The following CNTNAP4 variants were observed in gnomAD, a reference collection of about 807,000 sequenced individuals.
CNTNAP4 encodes the protein contactin-associated protein-like 4.
A neutral mutation model predicts 148.4 loss-of-function variants in CNTNAP4; 98 were observed. That is an observed-to-expected ratio of 0.66 (90% CI 0.56 to 0.78). The LOEUF (loss-of-function observed/expected upper bound fraction) is 0.78, where lower values mean the gene tolerates loss of function less well. Ranked by LOEUF, CNTNAP4 falls within the 30% of genes least tolerant of loss-of-function variation. The pLI, the probability that CNTNAP4 is intolerant of heterozygous loss-of-function variation, is 0.00. For synonymous variants in CNTNAP4, 730 were observed against 565.1 expected (o/e 1.29, Z -4.14); for missense variants, 1,935 against 1,565.6 (o/e 1.24, Z -3.98).
intron 17 of CNTNAP4, among the ~76,000 whole-genome samples, chr16:76,525,338 G>C (rs2083671547): frequency 6.6e-6 from 1 of 150,838 alleles, no homozygotes; most frequent in South Asian, 2.1e-4. Flanking sequence ...CACCTACTAG[G>C]ACCAAAGAGT....
chr16:76,434,173 A>G (rs1048850199), intron 4 of CNTNAP4, among the ~76,000 whole-genome samples: 1 of 150,482 alleles, frequency 6.6e-6, no homozygotes, highest in Non-Finnish European at 1.5e-5. Context: ...GAATATATAT[A>G]AAGGGGAGTT....
At chr16:76,442,002 C>T (rs992925803) in intron 4 of CNTNAP4, among the ~76,000 whole-genome samples, 2 of 152,112 alleles carry the variant, frequency 1.3e-5, no homozygotes, top group African/African-American at 2.4e-5. Context: ...ATATCTTAGT[C>T]CCTGAAACCT....
At chr16:76,496,239 C>A (rs974715778) in intron 14 of CNTNAP4, among the ~76,000 whole-genome samples, 1 of 151,694 alleles carries the variant, frequency 6.6e-6, no homozygotes, top group African/African-American at 2.4e-5. Context: ...CTTATCACTA[C>A]TTTCACAAAA....
intron 3 of CNTNAP4, among the ~76,000 whole-genome samples, chr16:76,387,069 G>A (rs983976966): frequency 2.0e-5 from 3 of 152,230 alleles, no homozygotes; most frequent in Middle Eastern, 3.4e-3. Flanking sequence ...CATGCATCCT[G>A]CTGACATCTT....
chr16:76,507,592 G>A (rs1183208600), intron 15 of CNTNAP4, among the ~76,000 whole-genome samples: 1 of 97,614 alleles, frequency 1.0e-5, no homozygotes, highest in African/African-American at 2.6e-5. Flanking sequence ...GGAAAAAAAA[G>A]CACATTTTTC....
intron 15 of CNTNAP4, among the ~76,000 whole-genome samples, chr16:76,501,678 A>T (rs566443650): frequency 6.6e-6 from 1 of 152,198 alleles, no homozygotes; most frequent in Admixed American, 6.5e-5. Flanking sequence ...CACAGAGAAG[A>T]ATTATCTGGC....
intron 3 of CNTNAP4, among the ~76,000 whole-genome samples, chr16:76,374,869 A>C (rs2015253672): frequency 6.6e-6 from 1 of 151,724 alleles, no homozygotes; most frequent in South Asian, 2.1e-4. Flanking sequence ...CCTGGGTTCA[A>C]ATGATTCTCC....
At chr16:76,379,805 A>G (rs1029169863) in intron 3 of CNTNAP4, among the ~76,000 whole-genome samples, 68 of 152,256 alleles carry the variant, frequency 4.5e-4, no homozygotes, top group African/African-American at 1.4e-3. Context: ...CTTTTCTTCA[A>G]ATTGATTCAT....
intron 21 of CNTNAP4, among the ~76,000 whole-genome samples, chr16:76,544,361 A>G (rs909201261): frequency 3.9e-5 from 6 of 152,180 alleles, no homozygotes; most frequent in African/African-American, 1.4e-4. Flanking sequence ...TAAATGTAGA[A>G]AACATTCTAG....
intron 3 of CNTNAP4, among the ~76,000 whole-genome samples, chr16:76,390,480 C>G (rs1251523265): frequency 6.6e-6 from 1 of 151,818 alleles, no homozygotes; most frequent in African/African-American, 2.4e-5. Context: ...CTGAGAAAAG[C>G]TGGTGTTTCT....
At position 76,452,583 on chromosome 16, in the gene CNTNAP4, C is replaced by T. The variant is rs752695501; in HGVS notation, c.1147C>T (p.Leu383=). ...TFLSSRSYLA[L]PDFSGEEEVS... ...TCTGAGCTCCAGGAGTTATTTAGCA[C>T]TGCCAGACTTCTCTGGAGAGGAGGA... Residue 383 remains leucine (L), a synonymous_variant, in exon 8 of 24, where the codon CTG becomes TTG. Transcript: ENST00000611870. 2 of 1,613,884 alleles carry T rather than the reference C, an allele frequency of 1.2e-6. No homozygotes were observed. Among genetic ancestry groups the T allele is most frequent in the Non-Finnish European group, 1.7e-6 (2 of 1,179,882 alleles).
chr16:76,521,040 G>C, intron 15 of CNTNAP4, 100 bp from the exon 16 acceptor site: 3 of 1,140,324 alleles, frequency 2.6e-6, no homozygotes, highest in South Asian at 2.8e-5. Context: ...ATTTTAAATA[G>C]CAAAAGTGCT....
chr16:76,406,713 T>G (rs1314908636), intron 3 of CNTNAP4, among the ~76,000 whole-genome samples: 9 of 152,164 alleles, frequency 5.9e-5, no homozygotes, highest in Admixed American at 5.9e-4. Context: ...AGCCACTACA[T>G]TCCCTTAAGC....
At chr16:76,319,824 G>A (rs1011447486) in intron 2 of CNTNAP4, among the ~76,000 whole-genome samples, 7 of 152,254 alleles carry the variant, frequency 4.6e-5, no homozygotes, top group Middle Eastern at 3.4e-3. Context: ...GAGGGAGTAT[G>A]GCCCTGCCTG....
intron 17 of CNTNAP4, among the ~76,000 whole-genome samples, chr16:76,530,562 G>C (rs1186436619): frequency 6.6e-6 from 1 of 152,138 alleles, no homozygotes; most frequent in Non-Finnish European, 1.5e-5. Flanking sequence ...ACTCGCTCTG[G>C]CTTCAGTGTG....
chr16:76,328,786 C>T (rs1352042685), intron 2 of CNTNAP4, among the ~76,000 whole-genome samples: 5 of 152,222 alleles, frequency 3.3e-5, no homozygotes, highest in African/African-American at 1.2e-4. Context: ...GCTGGGACTA[C>T]AGGCGCCTGC....
chr16:76,551,352 C>T (rs1050084145), intron 21 of CNTNAP4, among the ~76,000 whole-genome samples: 3 of 151,046 alleles, frequency 2.0e-5, no homozygotes, highest in Admixed American at 6.6e-5. Flanking sequence ...GAGCTGAGAT[C>T]GTGCCACATC....
intron 10 of CNTNAP4, among the ~76,000 whole-genome samples, chr16:76,472,756 A>G (rs1001564635): frequency 6.6e-6 from 1 of 152,168 alleles, no homozygotes; most frequent in Non-Finnish European, 1.5e-5. Context: ...AAATGATGAG[A>G]ACTCATAGAC....
At chr16:76,380,787 C>A (rs1044830493) in intron 3 of CNTNAP4, among the ~76,000 whole-genome samples, 4 of 152,112 alleles carry the variant, frequency 2.6e-5, no homozygotes, top group Non-Finnish European at 5.9e-5. Flanking sequence ...ATTATGTCAG[C>A]AGTTACCGAG....
Sources: allele counts gnomAD v4.1 joint callset (sites outside exome capture counted in the v4.1 genomes callset), GRCh38; gene constraint gnomAD v4.1.1; transcripts MANE v1.5; gene names NCBI Gene and HGNC (gene_info 2026-07-23, HGNC 2026-07-21).